EPHB1: variants seen among roughly 807,000 people sequenced by gnomAD.
The protein encoded by EPHB1 is EPH receptor B1.
A neutral mutation model predicts 94.4 loss-of-function variants in EPHB1; 30 were observed. That is an observed-to-expected ratio of 0.32 (90% CI 0.24 to 0.43). The LOEUF (loss-of-function observed/expected upper bound fraction) is 0.43. EPHB1 is among the 20% of genes least tolerant of loss of function. The pLI, the probability that EPHB1 is intolerant of heterozygous loss-of-function variation, is 1.00. For missense variants in EPHB1, 1,055 were observed against 1,308.3 expected (o/e 0.81, Z 2.99); for synonymous variants, 522 against 489.1 (o/e 1.07, Z -0.89).
intron 1 of EPHB1, among the ~76,000 whole-genome samples, chr3:134,907,791 T>C (rs1443140983): frequency 6.6e-6 from 1 of 152,228 alleles, no homozygotes; most frequent in African/African-American, 2.4e-5. Flanking sequence ...TCTTGGGCCA[T>C]GCCCACAGTA....
chr3:134,826,694 A>G (rs2036485046), intron 1 of EPHB1, among the ~76,000 whole-genome samples: 1 of 152,210 alleles, frequency 6.6e-6, no homozygotes, highest in Admixed American at 6.5e-5. Context: ...ACCCCCTTGT[A>G]GCTATATAGC....
At chr3:135,230,391 C>A (rs1259468003) in intron 12 of EPHB1, among the ~76,000 whole-genome samples, 1 of 152,054 alleles carries the variant, frequency 6.6e-6, no homozygotes. Context: ...TATCAGTACC[C>A]CACCATCTAG....
At chr3:135,186,097 G>A (rs4441681) in intron 10 of EPHB1, among the ~76,000 whole-genome samples, 64,797 of 152,112 alleles carry the variant, frequency 0.43, 14,257 homozygotes, top group East Asian at 0.7. Flanking sequence ...CATATAAAAT[G>A]TAGATGTATG....
At chr3:135,066,757 T>C (rs1026993061) in intron 3 of EPHB1, among the ~76,000 whole-genome samples, 11 of 152,198 alleles carry the variant, frequency 7.2e-5, no homozygotes, top group Non-Finnish European at 1.5e-4. Flanking sequence ...TTTCTGGAGG[T>C]GTTAAAGGAC....
intron 1 of EPHB1, among the ~76,000 whole-genome samples, chr3:134,885,594 C>T (rs551705089): frequency 1.3e-5 from 2 of 152,324 alleles, no homozygotes; most frequent in South Asian, 4.1e-4. Flanking sequence ...AGCTGTATAA[C>T]TCCCTAAACC....
At chr3:134,875,238 G>A (rs1050930632) in intron 1 of EPHB1, among the ~76,000 whole-genome samples, 1 of 152,218 alleles carries the variant, frequency 6.6e-6, no homozygotes, top group African/African-American at 2.4e-5. Context: ...GAAGCCAAGT[G>A]TTGTCCCTGA....
rs2035805064 is a variant in EPHB1 at position 134,795,552 on chromosome 3, C to A, written c.-80C>A. The A allele has an allele frequency of 2.9e-6, 4 of 1,387,772 alleles. No homozygotes were observed. Among genetic ancestry groups the A allele is most frequent in the Non-Finnish European group, 4.0e-6 (4 of 1,003,236 alleles). The allele number at this position is 1,387,772 out of a possible 1,614,324, so 86.0% of individuals were successfully genotyped here. A position where few individuals can be genotyped will look rare whatever the true frequency, so the allele number is the denominator to read the frequency against. ...ATACCGAGAAGCCACCCGCGGAGAG[C>A]GCAGCGGCGCCCTGGGACGCGGCGC... is the stretch of plus-strand genomic sequence containing the variant. On this transcript the variant is annotated 5_prime_UTR_variant, in exon 1 of 16. Transcript: ENST00000398015.
At chr3:135,168,162 A>G (rs2107700457) in intron 9 of EPHB1, among the ~76,000 whole-genome samples, 1 of 152,330 alleles carries the variant, frequency 6.6e-6, no homozygotes, top group East Asian at 1.9e-4. Context: ...ATCTAAGATC[A>G]AGACCCTGCC....
At chr3:135,258,715 C>G (rs1316029851) in intron 15 of EPHB1, among the ~76,000 whole-genome samples, 2 of 152,138 alleles carry the variant, frequency 1.3e-5, no homozygotes, top group East Asian at 3.8e-4. Context: ...TCCAGTCCAT[C>G]TGAGGGTCAG....
At chr3:134,855,619 G>A (rs2037097509) in intron 1 of EPHB1, among the ~76,000 whole-genome samples, 1 of 152,092 alleles carries the variant, frequency 6.6e-6, no homozygotes, top group South Asian at 2.1e-4. Flanking sequence ...ACCTGATTGA[G>A]TAGTAACTAT....
At chr3:135,224,604 C>T (rs1405255812) in intron 12 of EPHB1, among the ~76,000 whole-genome samples, 1 of 152,170 alleles carries the variant, frequency 6.6e-6, no homozygotes, top group African/African-American at 2.4e-5. Context: ...AATGTTAGGC[C>T]ATGCAAATAT....
intron 1 of EPHB1, among the ~76,000 whole-genome samples, chr3:134,889,888 C>CAGGATGGT (rs1369812321): frequency 1.3e-5 from 2 of 151,904 alleles, no homozygotes; most frequent in Non-Finnish European, 2.9e-5. Context: ...CCGTGTTAGC[C>CAGGATGGT]AGGATGGTCT....
intron 11 of EPHB1, among the ~76,000 whole-genome samples, chr3:135,200,654 G>C (rs1307656180): frequency 1.3e-5 from 2 of 152,132 alleles, no homozygotes; most frequent in Non-Finnish European, 2.9e-5. Context: ...CAGAGTTCTT[G>C]TCCTCCAAGA....
chr3:135,175,818 A>G (rs1476028614), intron 9 of EPHB1, among the ~76,000 whole-genome samples: 1 of 152,216 alleles, frequency 6.6e-6, no homozygotes. Flanking sequence ...AAATCTGAGA[A>G]CGTTTTCTGA....
chr3:134,994,015 A>G (rs952916773), intron 3 of EPHB1, among the ~76,000 whole-genome samples: 53 of 152,160 alleles, frequency 3.5e-4, no homozygotes, highest in Non-Finnish European at 1.0e-4. Flanking sequence ...CCCAGATGCC[A>G]TCTCTTCCAT....
chr3:134,970,141 T>C (rs895020993), intron 3 of EPHB1, among the ~76,000 whole-genome samples: 3 of 152,220 alleles, frequency 2.0e-5, no homozygotes, highest in Non-Finnish European at 4.4e-5. Context: ...TATGTTCAAG[T>C]TTATCTAACC....
intron 10 of EPHB1, among the ~76,000 whole-genome samples, chr3:135,185,476 ATACTC>A (rs1942304479): frequency 6.6e-6 from 1 of 152,246 alleles, no homozygotes; most frequent in Admixed American, 6.5e-5. Context: ...GTGTCTGACA[ATACTC>A]TACATCTTTC....
At chr3:135,062,165 T>A (rs1368724768) in intron 3 of EPHB1, among the ~76,000 whole-genome samples, 2 of 152,246 alleles carry the variant, frequency 1.3e-5, no homozygotes, top group Non-Finnish European at 2.9e-5. Context: ...TGTGTGAGAA[T>A]CTTTTTCATA....
intron 1 of EPHB1, among the ~76,000 whole-genome samples, chr3:134,877,257 C>T (rs2037635592): frequency 6.6e-6 from 1 of 152,172 alleles, no homozygotes; most frequent in South Asian, 2.1e-4. Flanking sequence ...ACAGACAGGA[C>T]ACCTGGAGAG....
Sources: allele counts gnomAD v4.1 joint callset (sites outside exome capture counted in the v4.1 genomes callset), GRCh38; gene constraint gnomAD v4.1.1; transcripts MANE v1.5; gene names NCBI Gene and HGNC (gene_info 2026-07-23, HGNC 2026-07-21).